VPS13D: variants seen among roughly 807,000 people sequenced by gnomAD.
VPS13D encodes intermembrane lipid transfer protein VPS13D.
A neutral mutation model predicts 461.9 loss-of-function variants in VPS13D; 187 were observed. The observed-to-expected ratio is 0.40, with a 90% CI of 0.36 to 0.46. VPS13D has a LOEUF of 0.46. Among genes scored for constraint, VPS13D ranks in the 20% least tolerant of loss-of-function variants. The pLI is 0.60. For missense variants in VPS13D, 4,711 were observed against 5,364.9 expected (o/e 0.88, Z 3.81); for synonymous variants, 1,951 against 1,986.3 (o/e 0.98, Z 0.47).
In VPS13D at chr1:12,277,100, A is replaced by G. The variant is rs1383797305; in HGVS notation, c.3512A>G (p.His1171Arg). 2.5e-6 allele frequency: 4 copies of G among 1,614,090 alleles called. No individual in the cohort carries two copies. Among genetic ancestry groups the G allele is most frequent in the Non-Finnish European group, 2.5e-6 (3 of 1,180,044 alleles). The change falls in exon 19 of 70, where the codon CAT becomes CGT. Residue 1171 changes from histidine (H) to arginine (R), a missense_variant. His to Arg is a conservative substitution (Grantham distance 29). Coordinates refer to ENST00000620676, the MANE Select transcript of VPS13D (RefSeq NM_015378.4). ...EQNTEVAVEIHRLNLLLLRTV... is the reference protein window; with the variant it reads ...EQNTEVAVEIRRLNLLLLRTV... ...AACACTGAGGTTGCAGTGGAAATCC[A>G]TAGGCTGAACTTACTGCTTCTTCGG...
At chr1:12,347,468 C>A (rs1285936625) in intron 44 of VPS13D, among the ~76,000 whole-genome samples, 1 of 152,124 alleles carries the variant, frequency 6.6e-6, no homozygotes, top group African/African-American at 2.4e-5. Flanking sequence ...ACGCGCCCAG[C>A]CTAGGATTTT....
chr1:12,373,905 T>A, intron 55 of VPS13D, 47 bp downstream of exon 55: 2 of 1,445,618 alleles, frequency 1.4e-6, no homozygotes, highest in Non-Finnish European at 1.9e-6. Context: ...TTTTTAGCAC[T>A]GGACGGGACT....
chr1:12,327,952 G>A, intron 36 of VPS13D, 98 bp downstream of exon 36: 1 of 1,173,344 alleles, frequency 8.5e-7, no homozygotes, highest in Non-Finnish European at 1.2e-6. Context: ...ACTCTATTTA[G>A]TCATTTGGGT....
rs1052615576 is a variant in VPS13D at position 12,495,437 on chromosome 1, C to T, written c.12663-2063C>T. Among the ~76,000 whole-genome samples the T allele has an allele frequency of 2.0e-5, 3 of 152,274 alleles. No individual in the cohort carries two copies. The highest frequency in any genetic ancestry group is 7.2e-5 in the African/African-American group (3 of 41,550). ...CCTCCCAAAGTGCTGGGATTACAGGCGTGAGCCACTGCGCCCGGCCGATGT... is the reference window on the plus strand; with the variant it reads ...CCTCCCAAAGTGCTGGGATTACAGGTGTGAGCCACTGCGCCCGGCCGATGT... On this transcript the variant is annotated intron_variant, in intron 67 of 69. Coordinates refer to ENST00000620676, the MANE Select transcript of VPS13D (RefSeq NM_015378.4). This position sits in a 1 kb window ranked among gnomAD's most constrained non-coding sequence, Gnocchi z 4.0.
chr1:12,326,046 A>G (rs1034768680), intron 35 of VPS13D, among the ~76,000 whole-genome samples: 7 of 150,872 alleles, frequency 4.6e-5, no homozygotes, highest in Non-Finnish European at 1.0e-4. Context: ...TCTTTTTCTA[A>G]AAAAATTGTA....
At chr1:12,265,645 C>T (rs1024747210) in intron 13 of VPS13D, among the ~76,000 whole-genome samples, 1 of 152,066 alleles carries the variant, frequency 6.6e-6, no homozygotes, top group Admixed American at 6.6e-5. Flanking sequence ...TCTTGGATGA[C>T]TTTGAGGGAT....
intron 47 of VPS13D, among the ~76,000 whole-genome samples, chr1:12,354,797 C>A: frequency 6.6e-6 from 1 of 152,090 alleles, no homozygotes; most frequent in East Asian, 1.9e-4. Flanking sequence ...CTCATGTAAT[C>A]CTTATAGAAA....
intron 60 of VPS13D, among the ~76,000 whole-genome samples, chr1:12,395,099 T>C (rs1231892033): frequency 6.6e-6 from 1 of 151,576 alleles, no homozygotes; most frequent in African/African-American, 2.4e-5. Context: ...AACAGGGGTG[T>C]TGGGGGTGAC....
At chr1:12,456,513 C>G (rs1301714431) in intron 66 of VPS13D, among the ~76,000 whole-genome samples, 2 of 151,886 alleles carry the variant, frequency 1.3e-5, no homozygotes, top group African/African-American at 4.8e-5. Context: ...TGGTACATGC[C>G]TGTAGTCCCA....
Position 12,277,055 on chromosome 1 carries a change from A to T in VPS13D, c.3467A>T (p.Tyr1156Phe). The T allele has an allele frequency of 6.2e-7, 1 of 1,614,202 alleles. No homozygotes were observed. Among genetic ancestry groups the T allele is most frequent in the Non-Finnish European group, 8.5e-7 (1 of 1,180,042 alleles). ...AGAAGCTTCAGAGAACAAGGAACTT[A>T]CCAGTCTACATATGAACAAAACACT... ...FERSFREQGT[Y>F]QSTYEQNTEV... The change falls in exon 19 of 70, where the codon TAC becomes TTC. Residue 1156 changes from tyrosine to phenylalanine, a missense_variant. Transcript: ENST00000620676.
At chr1:12,486,638 C>G (rs374752336) in intron 67 of VPS13D, among the ~76,000 whole-genome samples, 1 of 152,112 alleles carries the variant, frequency 6.6e-6, no homozygotes, top group African/African-American at 2.4e-5. Context: ...TTTCTAGTGT[C>G]CCCCCCACGT....
At position 12,279,388 on chromosome 1, in the gene VPS13D, C is replaced by T; in HGVS notation, c.4451-111C>T. The T allele has an allele frequency of 1.6e-6, 2 of 1,275,092 alleles. No homozygotes were observed. The highest frequency in any genetic ancestry group is 2.1e-6 in the Non-Finnish European group (2 of 967,680). The allele number at this position is 1,275,092 out of a possible 1,614,324, so 79.0% of individuals were successfully genotyped here. A position where few individuals can be genotyped will look rare whatever the true frequency, so the allele number is the denominator to read the frequency against. The stretch of plus-strand genomic sequence containing the variant: ...CCCGGGTGCCAGGCTAACCTGCCCT[C>T]CTGGTCTAAGTGTAACTCATGGGCT... On this transcript the variant is annotated intron_variant, in intron 19 of 69. Coordinates refer to ENST00000620676, the MANE Select transcript of VPS13D (RefSeq NM_015378.4). This position sits in a 1 kb window ranked among gnomAD's most constrained non-coding sequence, Gnocchi z 4.3.
intron 67 of VPS13D, among the ~76,000 whole-genome samples, chr1:12,468,566 G>A (rs1458438890): frequency 2.6e-5 from 4 of 152,196 alleles, no homozygotes; most frequent in African/African-American, 9.7e-5. Flanking sequence ...ACTGAGGGAA[G>A]GAAAGATAGG....
At chr1:12,304,449 A>T in intron 25 of VPS13D, 57 bp from the exon 26 acceptor site, 1 of 1,491,350 alleles carries the variant, frequency 6.7e-7, no homozygotes, top group Non-Finnish European at 9.2e-7. Context: ...GAGTCCCACC[A>T]CCAGTGCTGC....
intron 52 of VPS13D, among the ~76,000 whole-genome samples, chr1:12,368,104 T>C (rs1354867712): frequency 6.6e-6 from 1 of 152,164 alleles, no homozygotes; most frequent in Admixed American, 6.5e-5. Flanking sequence ...TAATTTCCTC[T>C]ACATTTATTC....
Position 12,506,997 on chromosome 1 carries a change from C to T in VPS13D, c.12939C>T (p.Ser4313=). ...KYDDLYHCLV[S]KDHGKVYVQV... ...ATGACCTCTACCACTGCCTTGTCTC[C>T]AAAGACCATGGGAAGGTGTATGTGC... Residue 4313 remains serine (S), a synonymous_variant, in exon 69 of 70, where the codon TCC becomes TCT. Transcript: ENST00000620676. 6.2e-7 allele frequency: 1 copy of T among 1,614,246 alleles called. No individual in the cohort carries two copies. Among genetic ancestry groups the T allele is most frequent in the Non-Finnish European group, 8.5e-7 (1 of 1,180,048 alleles).
rs779205749 is a variant in VPS13D, at chr1:12,283,393, C to G, written c.5291C>G (p.Pro1764Arg). 1 of 1,614,104 alleles carries G rather than the reference C, an allele frequency of 6.2e-7. No individual in the cohort carries two copies. The highest frequency in any genetic ancestry group is 1.7e-5 in the Admixed American group (1 of 60,006). The change falls in exon 21 of 70, where the codon CCT becomes CGT. Residue 1764 changes from proline to arginine, a missense_variant. Transcript: ENST00000620676. ...QDKDYPLTPP[P>R]SPTVDEPKIL... ...AAGGACTATCCCTTGACCCCACCTC[C>G]TTCTCCAACAGTGGATGAGCCCAAG...
intron 67 of VPS13D, among the ~76,000 whole-genome samples, chr1:12,480,362 G>A (rs939398548): frequency 2.0e-5 from 3 of 152,240 alleles, no homozygotes; most frequent in African/African-American, 7.2e-5. Context: ...TTGGAGGCCA[G>A]GGAGAGCTTC....
intron 67 of VPS13D, among the ~76,000 whole-genome samples, chr1:12,489,050 A>G (rs1645841229): frequency 6.6e-6 from 1 of 152,250 alleles, no homozygotes; most frequent in Admixed American, 6.5e-5. Flanking sequence ...CTTTAAAGAA[A>G]TCCAAGCCTT....
Sources: allele counts gnomAD v4.1 joint callset (sites outside exome capture counted in the v4.1 genomes callset), GRCh38; gene constraint gnomAD v4.1.1; non-coding constraint Gnocchi (gnomAD v3.1); transcripts MANE v1.5; gene names NCBI Gene and HGNC (gene_info 2026-07-23, HGNC 2026-07-21).